The following BCAT1 variants were observed in gnomAD, a reference collection of about 807,000 sequenced individuals.
BCAT1 encodes the protein branched-chain-amino-acid aminotransferase, cytosolic.
BCAT1 carries 48 observed loss-of-function variants against 52.4 expected under a neutral mutation model. The observed-to-expected ratio is 0.92, with a 90% CI of 0.73 to 1.16. The LOEUF (loss-of-function observed/expected upper bound fraction) is 1.16, where lower values mean the gene tolerates loss of function less well. Among genes scored for constraint, BCAT1 ranks in the 50% most tolerant of loss-of-function variants. The pLI is 0.00. For synonymous variants in BCAT1, 167 were observed against 161.3 expected (o/e 1.04, Z -0.27); for missense variants, 451 against 457.1 (o/e 0.99, Z 0.12).
intron 1 of BCAT1, among the ~76,000 whole-genome samples, chr12:24,907,789 A>T (rs200688095): frequency 1.3e-5 from 2 of 152,126 alleles, no homozygotes; most frequent in South Asian, 4.2e-4. Context: ...TTCCTACTCC[A>T]CCGCCTATCC....
Position 24,847,246 on chromosome 12 carries a change from A to C in BCAT1, c.674+2540T>G, listed in dbSNP as rs183471029. On this transcript the variant is annotated intron_variant, in intron 6 of 10. Transcript: ENST00000261192. ...CAGTTTTAGGTTCCCACCAAAACTG[A>C]AAGGCAAGTACAAAGATTTCCCATA... Among the ~76,000 whole-genome samples the C allele has an allele frequency of 7.2e-5, 11 of 152,346 alleles. No homozygotes were observed. The East Asian group carries it at 1.2e-3, about 16-fold the overall frequency.
chr12:24,853,879 G>T (rs1171235021), intron 5 of BCAT1, among the ~76,000 whole-genome samples: 5 of 151,804 alleles, frequency 3.3e-5, no homozygotes, highest in Admixed American at 3.3e-4. Context: ...ATTAAAAGGG[G>T]CTTTAAAAAA....
chr12:24,908,228 T>C (rs1943257475), intron 1 of BCAT1, among the ~76,000 whole-genome samples: 1 of 152,200 alleles, frequency 6.6e-6, no homozygotes, highest in Non-Finnish European at 1.5e-5. Context: ...CTCGTTGTCT[T>C]CCCTTGTACA....
At position 24,878,551 on chromosome 12, in the gene BCAT1, A is replaced by G; in HGVS notation, c.489T>C (p.Arg163=). ...GCACCTCAGTTCCAATGAATGTAGG[A>G]CGAATATACAGACTAGCAGATGTTG... is the stretch of plus-strand genomic sequence containing the variant. ...PYSTSASLYI[R]PTFIGTEPSL... Residue 163 remains arginine, a synonymous_variant, in exon 5 of 11, where the codon CGT becomes CGC. Coordinates refer to ENST00000261192, the MANE Select transcript of BCAT1 (RefSeq NM_005504.7). The G allele has an allele frequency of 1.9e-6, 3 of 1,611,336 alleles. No individual in the cohort carries two copies. Among genetic ancestry groups the G allele is most frequent in the Non-Finnish European group, 2.5e-6 (3 of 1,178,834 alleles).
At chr12:24,912,017 T>G (rs886688377) in intron 1 of BCAT1, among the ~76,000 whole-genome samples, 3 of 152,218 alleles carry the variant, frequency 2.0e-5, no homozygotes, top group African/African-American at 7.2e-5. Flanking sequence ...GGAGAAAATT[T>G]TGTTTTATAC....
chr12:24,863,219 G>A (rs575736876), intron 5 of BCAT1, among the ~76,000 whole-genome samples: 1 of 152,310 alleles, frequency 6.6e-6, no homozygotes, highest in Admixed American at 6.5e-5. Flanking sequence ...ACTTCCTCCT[G>A]TGTAAAAGAA....
intron 2 of BCAT1, among the ~76,000 whole-genome samples, chr12:24,899,611 A>C (rs1356660406): frequency 1.3e-5 from 2 of 152,216 alleles, no homozygotes; most frequent in African/African-American, 4.8e-5. Context: ...TATTCACAAT[A>C]GTCAAGACAT....
intron 10 of BCAT1, among the ~76,000 whole-genome samples, chr12:24,826,209 CT>C (rs1940391942): frequency 6.6e-6 from 1 of 152,198 alleles, no homozygotes; most frequent in Non-Finnish European, 1.5e-5. Flanking sequence ...GAGATCTTTG[CT>C]TAGACCAATG....
chr12:24,936,894 C>T (rs1450758659), intron 1 of BCAT1, among the ~76,000 whole-genome samples: 1 of 152,042 alleles, frequency 6.6e-6, no homozygotes, highest in African/African-American at 2.4e-5. Flanking sequence ...ATCTCAAGAT[C>T]CATAACTTAA....
chr12:24,847,375 C>A (rs1255809630), intron 6 of BCAT1, among the ~76,000 whole-genome samples: 1 of 152,170 alleles, frequency 6.6e-6, no homozygotes. Context: ...ATACCATTAT[C>A]ACCTGAAGTC....
At chr12:24,945,791 T>G (rs1354675519) in intron 1 of BCAT1, 1 of 152,018 alleles carries the variant, frequency 6.6e-6, no homozygotes, top group Non-Finnish European at 1.5e-5. Flanking sequence ...TCTGCGGCAC[T>G]CCAGCCTGAA....
At chr12:24,891,550 A>G (rs943370512) in intron 3 of BCAT1, among the ~76,000 whole-genome samples, 1 of 152,238 alleles carries the variant, frequency 6.6e-6, no homozygotes, top group Non-Finnish European at 1.5e-5. Context: ...TAACCATGCA[A>G]TATACAATCC....
intron 1 of BCAT1, chr12:24,902,102 C>A (rs1487094709): frequency 1.4e-6 from 2 of 1,469,690 alleles, no homozygotes; most frequent in Non-Finnish European, 1.8e-6. Flanking sequence ...GGGGTCGCGG[C>A]GGTTTTTGTC....
In BCAT1 at chr12:24,887,063, A is replaced by AAAAT. The variant is rs1290351246; in HGVS notation, c.280-5653_280-5652insATTT. Among the ~76,000 whole-genome samples the AAAAT allele has an allele frequency of 8.3e-3, 628 of 75,920 alleles. 2 individuals are homozygous for AAAAT. Among genetic ancestry groups the AAAAT allele is most frequent in the African/African-American group, 0.013 (224 of 17,354 alleles). The allele number at this position is 75,920 out of a possible 152,430, so 49.8% of individuals were successfully genotyped here. On this transcript the variant is annotated intron_variant, in intron 3 of 10. Transcript: ENST00000261192. ...GGAAGAACGAGAGAGATGCTAGCTAAAAAAAAAAAAAAAAAAAATATATAT... is the reference window on the plus strand; with the variant it reads ...GGAAGAACGAGAGAGATGCTAGCTAAAAATAAAAAAAAAAAAAAAAAATATATAT...
At chr12:24,892,092 T>TCG (rs1942862128) in intron 3 of BCAT1, among the ~76,000 whole-genome samples, 2 of 151,376 alleles carry the variant, frequency 1.3e-5, no homozygotes, top group African/African-American at 2.4e-5. Context: ...TTGTTTTGTT[T>TCG]TGTTTCAATA....
intron 7 of BCAT1, among the ~76,000 whole-genome samples, chr12:24,840,912 G>C (rs1429950865): frequency 6.6e-6 from 1 of 152,094 alleles, no homozygotes; most frequent in African/African-American, 2.4e-5. Flanking sequence ...AACAACCTAA[G>C]AATGTAAACA....
At position 24,909,786 on chromosome 12, in the gene BCAT1, T is replaced by A. The variant is rs183258373; in HGVS notation, c.7-7901A>T. Reference sequence around the variant, plus strand: ...GCATATACACTAACTGGCCAGGCAGTTTCTGCTTTCTTCCTCTTGGAAGGA... The same window carrying A: ...GCATATACACTAACTGGCCAGGCAGATTCTGCTTTCTTCCTCTTGGAAGGA... On this transcript the variant is annotated intron_variant, in intron 1 of 10. Coordinates refer to ENST00000261192, the MANE Select transcript of BCAT1 (RefSeq NM_005504.7). Among the ~76,000 whole-genome samples, 27 of 152,268 alleles carry A rather than the reference T, an allele frequency of 1.8e-4. No homozygotes were observed. In the East Asian group the frequency reaches 4.8e-3, roughly 27 times the overall value.
At chr12:24,822,874 T>C (rs994413344) in intron 10 of BCAT1, among the ~76,000 whole-genome samples, 4 of 152,278 alleles carry the variant, frequency 2.6e-5, no homozygotes, top group Admixed American at 2.6e-4. Flanking sequence ...AAAAAGAAAT[T>C]ATTCATTTCT....
chr12:24,935,233 C>T (rs1943734544), intron 1 of BCAT1, among the ~76,000 whole-genome samples: 1 of 152,016 alleles, frequency 6.6e-6, no homozygotes, highest in South Asian at 2.1e-4. Context: ...ATCTTTAGTC[C>T]AGAGAGGAAT....
Sources: gnomAD v4.1 joint callset for allele counts (sites outside exome capture counted in the v4.1 genomes callset) on GRCh38, gnomAD v4.1.1 for gene constraint, MANE v1.5 for transcripts, NCBI Gene and HGNC (gene_info 2026-07-23, HGNC 2026-07-21) for gene names.